SLC34A2: variants seen among roughly 807,000 people sequenced by gnomAD.
SLC34A2 encodes the protein solute carrier family 34 member 2.
A neutral mutation model predicts 50.8 loss-of-function variants in SLC34A2; 41 were observed. That is an observed-to-expected ratio of 0.81 (90% CI 0.63 to 1.05). The LOEUF is 1.05. SLC34A2 is among the 50% of genes least tolerant of loss of function. SLC34A2 has a pLI of 0.00. For missense variants in SLC34A2, 879 were observed against 876.7 expected (o/e 1.00, Z -0.03); for synonymous variants, 401 against 364.2 (o/e 1.10, Z -1.15).
intron 1 of SLC34A2, among the ~76,000 whole-genome samples, chr4:25,658,446 A>G (rs1207248948): frequency 2.6e-5 from 4 of 152,202 alleles, no homozygotes; most frequent in South Asian, 4.1e-4. Flanking sequence ...CAAGGGGCCC[A>G]GGAACAGGTC....
At chr4:25,662,261 A>AGGTAGTTTGCTTTAGCGACTG (rs1288270035) in intron 1 of SLC34A2, among the ~76,000 whole-genome samples, 1 of 152,232 alleles carries the variant, frequency 6.6e-6, no homozygotes, top group African/African-American at 2.4e-5. Flanking sequence ...ACACTGTACG[A>AGGTAGTTTGCTTTAGCGACTG]GGTAGTTTGC....
At chr4:25,664,158 G>A (rs1034740902) in intron 3 of SLC34A2, 44 bp from the exon 4 acceptor site, 18 of 1,608,506 alleles carry the variant, frequency 1.1e-5, no homozygotes, top group Non-Finnish European at 1.5e-5. Flanking sequence ...AACACTAAAA[G>A]TTTCATGCCT....
At chr4:25,658,524 T>A (rs150751454) in intron 1 of SLC34A2, among the ~76,000 whole-genome samples, 45 of 152,188 alleles carry the variant, frequency 3.0e-4, no homozygotes, top group African/African-American at 1.1e-3. Flanking sequence ...TACATTCCCC[T>A]GCTTCCCAAG....
rs1378920926 is a variant in SLC34A2 at position 25,676,342 on chromosome 4, G to T, written c.1666G>T (p.Val556Phe). The T allele has an allele frequency of 1.2e-6, 2 of 1,614,082 alleles. No individual in the cohort carries two copies. The highest frequency in any genetic ancestry group is 1.7e-6 in the Non-Finnish European group (2 of 1,180,054). The change falls in exon 13 of 13, where the codon GTT becomes TTT. Residue 556 changes from valine to phenylalanine, a missense_variant. Physicochemically the swap from Val to Phe is conservative, Grantham distance 50 (BLOSUM62 -1). Transcript: ENST00000382051. ...CTCGCTGGCCGGCTGGCGGGTGCTG[G>T]TTGGTGTCGGGGTTCCCGTCGTCTT... Reference protein sequence around the residue: ...GLSLAGWRVLVGVGVPVVFII... With the variant: ...GLSLAGWRVLFGVGVPVVFII...
rs1331309166 is a variant in SLC34A2 at position 25,674,364 on chromosome 4, A to G, written c.1285A>G (p.Ile429Val). ...CCTCGTCGGGGCAGGCATGACCTTC[A>G]TCGTACAGAGCAGCTCTGTGTTCAC... Reference protein sequence around the residue: ...AILVGAGMTFIVQSSSVFTSA... With the variant: ...AILVGAGMTFVVQSSSVFTSA... Residue 429 changes from isoleucine to valine, a missense_variant, in exon 11 of 13, where the codon ATC (isoleucine) becomes GTC (valine). Coordinates refer to ENST00000382051, the MANE Select transcript of SLC34A2 (RefSeq NM_006424.3). 1.2e-6 allele frequency: 2 copies of G among 1,614,134 alleles called. No homozygotes were observed. Among genetic ancestry groups the G allele is most frequent in the Non-Finnish European group, 1.7e-6 (2 of 1,180,036 alleles).
rs576427816 is a variant in SLC34A2 at position 25,662,843 on chromosome 4, G to A, written c.250+1G>A. The A allele has an allele frequency of 1.3e-5, 21 of 1,614,018 alleles. No homozygotes were observed. The East Asian group carries it at 4.0e-4, about 31-fold the overall frequency. On this transcript the variant is annotated splice_donor_variant, in intron 3 of 12. Coordinates refer to ENST00000382051, the MANE Select transcript of SLC34A2 (RefSeq NM_006424.3). LOFTEE classifies it high-confidence loss of function. Reference sequence around the variant, plus strand: ...CAGGACTCGGGGATCAAGTGGTCAGGTAAAAGTGAGGCCAGCTGAGACATT... The same window carrying A: ...CAGGACTCGGGGATCAAGTGGTCAGATAAAAGTGAGGCCAGCTGAGACATT...
rs76404281 is a variant in SLC34A2 at position 25,674,321 on chromosome 4, G to C, written c.1242G>C (p.Leu414Phe). The change falls in exon 11 of 13, where the codon TTG becomes TTC. Residue 414 changes from leucine to phenylalanine, a missense_variant. Coordinates refer to ENST00000382051, the MANE Select transcript of SLC34A2 (RefSeq NM_006424.3). ...NTDFPFPFAW[L>F]TGYLAILVGA... ...ATTTCCCCTTTCCCTTTGCATGGTTGACTGGCTACCTGGCCATCCTCGTCG... is the reference window on the plus strand; with the variant it reads ...ATTTCCCCTTTCCCTTTGCATGGTTCACTGGCTACCTGGCCATCCTCGTCG... 4.1e-3 allele frequency: 6,547 copies of C among 1,614,016 alleles called. 26 individuals carry two copies. Among genetic ancestry groups the C allele is most frequent in the Non-Finnish European group, 5.1e-3 (5,984 of 1,179,966 alleles).
Position 25,677,215 on chromosome 4 carries a change from G to C in SLC34A2, c.*466G>C. On this transcript the variant is annotated 3_prime_UTR_variant, in exon 13 of 13. Coordinates refer to ENST00000382051, the MANE Select transcript of SLC34A2 (RefSeq NM_006424.3). ...CAAAGTCTGGCAACCAAGAGCAGCA[G>C]CTCCATGGCCTCCTTGCCCCAGATC... 1 of 177,216 alleles carries C rather than the reference G, an allele frequency of 5.6e-6. No homozygotes were observed. The highest frequency in any genetic ancestry group is 1.2e-5 in the Non-Finnish European group (1 of 81,338). 11.0% of individuals were successfully genotyped at this position (177,216 alleles called of 1,614,324 possible).
chr4:25,662,953 G>A (rs1714289727), intron 3 of SLC34A2, 111 bp downstream of exon 3: 2 of 1,319,224 alleles, frequency 1.5e-6, no homozygotes, highest in African/African-American at 1.5e-5. Flanking sequence ...TTGAAGCAAG[G>A]GTCCTGGCTA....
chr4:25,666,125 C>G lies in SLC34A2; in HGVS notation c.380-3C>G. ...TTTTTGTTTGTTTGTTTGTTTTTCC[C>G]AGGAAAAATGGCAGGACAGTTCTTC... is the stretch of plus-strand genomic sequence containing the variant. On this transcript the variant is annotated splice_region_variant and splice_polypyrimidine_tract_variant and intron_variant, in intron 4 of 12. Coordinates refer to ENST00000382051, the MANE Select transcript of SLC34A2 (RefSeq NM_006424.3). The G allele has an allele frequency of 6.2e-7, 1 of 1,613,260 alleles. No homozygotes were observed. The highest frequency in any genetic ancestry group is 1.1e-5 in the South Asian group (1 of 91,074).
At chr4:25,673,899 C>CA (rs1176221535) in intron 10 of SLC34A2, among the ~76,000 whole-genome samples, 2 of 152,126 alleles carry the variant, frequency 1.3e-5, no homozygotes, top group Admixed American at 1.3e-4. Flanking sequence ...AGGCATGTTC[C>CA]AAGCTGCTAC....
At chr4:25,675,421 G>A (rs1715060186) in intron 12 of SLC34A2, among the ~76,000 whole-genome samples, 1 of 152,172 alleles carries the variant, frequency 6.6e-6, no homozygotes, top group Non-Finnish European at 1.5e-5. Flanking sequence ...TCTGAAAGAT[G>A]GAGGACATAA....
In SLC34A2 at chr4:25,662,734, A is replaced by T. The variant is rs755130085; in HGVS notation, c.142A>T (p.Ile48Phe). 6.2e-6 allele frequency: 10 copies of T among 1,613,920 alleles called. No homozygotes were observed. In the African/African-American group the frequency reaches 1.3e-4, roughly 22 times the overall value. The change falls in exon 3 of 13, where the codon ATT becomes TTT. Residue 48 changes from isoleucine (I) to phenylalanine (F), a missense_variant. By Grantham distance (21) the Ile-to-Phe change is conservative (BLOSUM62 0). Coordinates refer to ENST00000382051, the MANE Select transcript of SLC34A2 (RefSeq NM_006424.3). ...TDNTEAPVTK[I>F]ELLPSYSTAT... is the part of the protein sequence containing the mutation. ...TAACACTGAGGCACCTGTAACCAAG[A>T]TTGAACTTCTGCCGTCCTACTCCAC...
At chr4:25,674,192 A>T in intron 10 of SLC34A2, 104 bp from the exon 11 acceptor site, 1 of 778,144 alleles carries the variant, frequency 1.3e-6, no homozygotes, top group South Asian at 1.4e-5. Context: ...GAGACCATAT[A>T]TGGGATGATG....
intron 5 of SLC34A2, among the ~76,000 whole-genome samples, chr4:25,666,775 A>G (rs560483616): frequency 6.6e-6 from 1 of 152,328 alleles, no homozygotes; most frequent in South Asian, 2.1e-4. Flanking sequence ...TAATCACATC[A>G]CAAATTGCTC....
chr4:25,663,947 C>T (rs1714345114), intron 3 of SLC34A2, among the ~76,000 whole-genome samples: 1 of 152,194 alleles, frequency 6.6e-6, no homozygotes. Flanking sequence ...AACCCCTCCT[C>T]CCAAACGCAA....
chr4:25,669,581 G>T, intron 6 of SLC34A2, 66 bp from the exon 7 acceptor site: 1 of 1,420,436 alleles, frequency 7.0e-7, no homozygotes, highest in South Asian at 1.1e-5. Flanking sequence ...TACAGGTAAT[G>T]ACCCACCTCA....
At chr4:25,665,715 T>C (rs912925253) in intron 4 of SLC34A2, among the ~76,000 whole-genome samples, 7 of 152,118 alleles carry the variant, frequency 4.6e-5, no homozygotes, top group African/African-American at 1.4e-4. Flanking sequence ...CTGAATTGGG[T>C]ATACACCCCA....
chr4:25,664,980 C>A (rs909357711), intron 4 of SLC34A2: 1 of 229,896 alleles, frequency 4.3e-6, no homozygotes, highest in African/African-American at 2.2e-5. Context: ...CATGAACCAG[C>A]CCTGAGACTC....
Sources: gnomAD v4.1 joint callset for allele counts (sites outside exome capture counted in the v4.1 genomes callset) on GRCh38, gnomAD v4.1.1 for gene constraint, MANE v1.5 for transcripts, NCBI Gene and HGNC (gene_info 2026-07-23, HGNC 2026-07-21) for gene names.